Variants in CLCN5 observed in about 807,000 individuals in gnomAD.
The protein encoded by CLCN5 is H(+)/Cl(-) exchange transporter 5.
In CLCN5, 17 loss-of-function variants were observed where a neutral mutation model predicts 54.0. That is an observed-to-expected ratio of 0.31 (90% CI 0.22 to 0.47). The LOEUF is 0.47. Among genes scored for constraint, CLCN5 ranks in the 20% least tolerant of loss-of-function variants. CLCN5 has a pLI of 1.00. For missense variants in CLCN5, 448 were observed against 646.7 expected, an observed-to-expected ratio of 0.69 and a Z score of 3.33; for synonymous variants, 222 against 233.0, an observed-to-expected ratio of 0.95 and a Z score of 0.43.
At chrX:50,027,042 T>G (rs1931439793) in intron 3 of CLCN5, among the ~76,000 whole-genome samples, 1 of 103,402 alleles carries the variant, frequency 9.7e-6, no homozygotes, top group African/African-American at 3.7e-5. Context: ...TGAGACGAAG[T>G]CTTGGCCTGT....
intron 14 of CLCN5, among the ~76,000 whole-genome samples, 178 bp from the exon 15 acceptor site, chrX:50,091,951 C>T (rs1934116065): frequency 8.9e-6 from 1 of 111,988 alleles, no homozygotes; most frequent in Non-Finnish European, 1.9e-5. Flanking sequence ...ATTTAGGAAT[C>T]CACACATCAT....
At chrX:49,935,468 T>C (rs1346022030) in intron 3 of CLCN5, among the ~76,000 whole-genome samples, 1 of 112,338 alleles carries the variant, frequency 8.9e-6, no homozygotes, top group Non-Finnish European at 1.9e-5. Flanking sequence ...ACAAAAGTCA[T>C]GATCCCTGCC....
At chrX:49,948,160 C>CT (rs78984984) in intron 3 of CLCN5, among the ~76,000 whole-genome samples, 4,629 of 98,143 alleles carry the variant, frequency 0.047, 282 homozygotes, top group African/African-American at 0.16. Context: ...CTGGCTTCAC[C>CT]TTTTTTTTTT....
chrX:50,030,283 C>T (rs1214950711), intron 3 of CLCN5, among the ~76,000 whole-genome samples: 1 of 111,455 alleles, frequency 9.0e-6, no homozygotes, highest in Non-Finnish European at 1.9e-5. Flanking sequence ...TCTTATTTGT[C>T]TTTTTATAAA....
At chrX:50,046,880 G>A (rs1229383726) in intron 4 of CLCN5, among the ~76,000 whole-genome samples, 1 of 110,804 alleles carries the variant, frequency 9.0e-6, no homozygotes, top group Non-Finnish European at 1.9e-5. Flanking sequence ...TTCAGAGGGG[G>A]AACTGATAGG....
At chrX:50,023,559 G>C (rs1484495447) in intron 3 of CLCN5, among the ~76,000 whole-genome samples, 3 of 23,423 alleles carry the variant, frequency 1.3e-4, no homozygotes, top group African/African-American at 1.1e-3. Context: ...AGTTGATGCA[G>C]TTTCTTCCTA....
At chrX:50,002,774 G>A (rs1557180703) in intron 3 of CLCN5, among the ~76,000 whole-genome samples, 1 of 108,774 alleles carries the variant, frequency 9.2e-6, no homozygotes, top group East Asian at 2.9e-4. Context: ...CCTTTTTTGA[G>A]TCCTCTTTCT....
intron 3 of CLCN5, among the ~76,000 whole-genome samples, chrX:50,036,059 C>A (rs781874082): frequency 8.9e-6 from 1 of 111,994 alleles, no homozygotes; most frequent in South Asian, 3.8e-4. Context: ...GTGCCATTCT[C>A]TAGACTGACA....
chrX:49,979,257 A>T (rs969293861), intron 3 of CLCN5, among the ~76,000 whole-genome samples: 24 of 111,242 alleles, frequency 2.2e-4, no homozygotes, highest in African/African-American at 7.5e-4. Context: ...ATTTTAGTAA[A>T]GTCTTGCTTA....
intron 3 of CLCN5, among the ~76,000 whole-genome samples, chrX:50,019,489 T>TTTTTTTTTTTTTTTA (rs1930975324): frequency 2.6e-5 from 2 of 76,189 alleles, no homozygotes; most frequent in African/African-American, 1.1e-4. Flanking sequence ...TTTTTTTTTT[T>TTTTTTTTTTTTTTTA]ATTATACTCT....
rs781827477 is a variant in CLCN5, at chrX:50,066,202, C to CA, written c.164-3663dup. Among the ~76,000 whole-genome samples the CA allele has an allele frequency of 8.1e-3, 529 of 65,282 alleles. 5 individuals are homozygous for CA. The highest frequency in any genetic ancestry group is 0.01 in the Non-Finnish European group (364 of 35,770). 56.7% of individuals were successfully genotyped at this position (65,282 alleles called of 115,157 possible). ...AAAGAAAGAAAGAGAAATTCCAGAG[C>CA]AAAAAAAAAAAAAAGACAGTCACAG... On this transcript the variant is annotated intron_variant, in intron 4 of 14. Transcript: ENST00000376091.
chrX:50,037,809 A>G (rs1224936806), intron 3 of CLCN5, among the ~76,000 whole-genome samples: 1 of 112,406 alleles, frequency 8.9e-6, no homozygotes, highest in Non-Finnish European at 1.9e-5. Context: ...ATGTGTAAAT[A>G]TTGATATATG....
chrX:50,030,826 C>T (rs191556678), intron 3 of CLCN5, among the ~76,000 whole-genome samples: 34 of 112,054 alleles, frequency 3.0e-4, no homozygotes, highest in Admixed American at 3.0e-3. Context: ...CATGTGATAC[C>T]GGTCTTGCAT....
chrX:50,055,918 C>T (rs1377262806), intron 4 of CLCN5, among the ~76,000 whole-genome samples: 1 of 110,517 alleles, frequency 9.0e-6, no homozygotes. Flanking sequence ...CACTATTTCC[C>T]TATTACTAGA....
In CLCN5 at chrX:50,086,630, C is replaced by T. The variant is rs782348450; in HGVS notation, c.1317C>T (p.Ile439=). ...TCGTCGTGACAGCCATCACTGCCATCCTGGCTTTCCCCAATGAATACACTC... is the reference window on the plus strand; with the variant it reads ...TCGTCGTGACAGCCATCACTGCCATTCTGGCTTTCCCCAATGAATACACTC... ...EVLVVTAITA[I]LAFPNEYTRM... Residue 439 remains isoleucine (I), a synonymous_variant, in exon 11 of 15, where the codon ATC becomes ATT. Coordinates refer to ENST00000376091, the MANE Select transcript of CLCN5 (RefSeq NM_001127898.4). 2 of 1,210,878 alleles carry T rather than the reference C, an allele frequency of 1.7e-6. No individual in the cohort carries two copies. Among genetic ancestry groups the T allele is most frequent in the Non-Finnish European group, 2.2e-6 (2 of 895,179 alleles).
chrX:50,042,405 A>T lies in CLCN5; in HGVS notation c.106A>T (p.Thr36Ser). Residue 36 changes from threonine (T) to serine (S), a missense_variant, in exon 4 of 15, where the codon ACC becomes TCC. Thr to Ser is a moderately conservative substitution (Grantham distance 58). This residue lies in a region of CLCN5 where 69 missense variants were observed against 60.9 expected (regional missense o/e 1.13). Coordinates refer to ENST00000376091, the MANE Select transcript of CLCN5 (RefSeq NM_001127898.4). ...SDEDLMDIPA[T>S]AMDFSMRDDV... Reference sequence around the variant, plus strand: ...TGAAGACCTGATGGACATTCCAGCAACCGCTATGGATTTCTCCATGAGAGA... The same window carrying T: ...TGAAGACCTGATGGACATTCCAGCATCCGCTATGGATTTCTCCATGAGAGA... 8.7e-7 allele frequency: 1 copy of T among 1,154,771 alleles called. No homozygotes were observed. The highest frequency in any genetic ancestry group is 3.2e-5 in the East Asian group (1 of 31,420).
At chrX:49,959,368 G>A (rs782320166) in intron 3 of CLCN5, among the ~76,000 whole-genome samples, 1 of 112,119 alleles carries the variant, frequency 8.9e-6, no homozygotes, top group South Asian at 3.7e-4. Flanking sequence ...CTAAAGTATG[G>A]AATTTTCCTT....
At chrX:50,056,038 G>C (rs1253875626) in intron 4 of CLCN5, among the ~76,000 whole-genome samples, 1 of 107,197 alleles carries the variant, frequency 9.3e-6, no homozygotes, top group African/African-American at 3.4e-5. Flanking sequence ...TCCCACATGA[G>C]ATATATATAT....
chrX:50,085,859 A>G, intron 9 of CLCN5, 121 bp from the exon 10 acceptor site: 2 of 622,077 alleles, frequency 3.2e-6, no homozygotes, highest in Non-Finnish European at 5.4e-6. Context: ...TTTTGATGAT[A>G]TGGAACATCT....
Sources: gnomAD v4.1 joint callset for allele counts (sites outside exome capture counted in the v4.1 genomes callset) on GRCh38, gnomAD v4.1.1 for gene constraint, gnomAD v4.1.1 regional missense constraint, MANE v1.5 for transcripts, NCBI Gene and HGNC (gene_info 2026-07-23, HGNC 2026-07-21) for gene names.